SLC25A21: variants seen among roughly 807,000 people sequenced by gnomAD.
SLC25A21 encodes mitochondrial 2-oxodicarboxylate carrier.
In SLC25A21, 47 loss-of-function variants were observed where a neutral mutation model predicts 43.8. The ratio of observed to expected loss-of-function variants is 1.07; its 90% CI spans 0.85 to 1.37. The LOEUF (loss-of-function observed/expected upper bound fraction) is 1.37. SLC25A21 is among the 40% of genes most tolerant of loss of function. The pLI is 0.00. For missense variants in SLC25A21, 352 were observed against 350.2 expected, an observed-to-expected ratio of 1.00 and a Z score of -0.04; for synonymous variants, 131 against 121.3, an observed-to-expected ratio of 1.08 and a Z score of -0.52.
At chr14:36,793,744 A>T (rs1738793738) in intron 3 of SLC25A21, among the ~76,000 whole-genome samples, 1 of 152,170 alleles carries the variant, frequency 6.6e-6, no homozygotes, top group Non-Finnish European at 1.5e-5. Context: ...AACACCAAGC[A>T]TAATAAAATA....
rs1251389022 is a variant in SLC25A21 at position 36,865,914 on chromosome 14, A to G, written c.119+9042T>C. Among the ~76,000 whole-genome samples the G allele has an allele frequency of 3.9e-5, 6 of 152,124 alleles. 1 individual carries two copies. Among genetic ancestry groups the G allele is most frequent in the Admixed American group, 3.9e-4 (6 of 15,280 alleles). Reference sequence around the variant, plus strand: ...GTCTTCAGAATTCACCCAGTGATTAATATGTTTTGAGAGAAGTATGAAAAG... The same window carrying G: ...GTCTTCAGAATTCACCCAGTGATTAGTATGTTTTGAGAGAAGTATGAAAAG... On this transcript the variant is annotated intron_variant, in intron 2 of 9. Transcript: ENST00000331299.
intron 2 of SLC25A21, among the ~76,000 whole-genome samples, chr14:36,849,208 A>G (rs1324407083): frequency 6.6e-6 from 1 of 152,158 alleles, no homozygotes; most frequent in Non-Finnish European, 1.5e-5. Context: ...CTTGGGGTAC[A>G]TCCCTAGATA....
chr14:37,014,113 A>C (rs1435354216), intron 1 of SLC25A21, among the ~76,000 whole-genome samples: 1 of 152,116 alleles, frequency 6.6e-6, no homozygotes, highest in African/African-American at 2.4e-5. Context: ...GTCCCAACTG[A>C]TCAGAGATGA....
At chr14:36,751,432 G>C (rs903896704) in intron 3 of SLC25A21, among the ~76,000 whole-genome samples, 6 of 152,164 alleles carry the variant, frequency 3.9e-5, no homozygotes, top group African/African-American at 1.4e-4. Context: ...GCAGGTGATT[G>C]ATTTTTAGAG....
rs562168667 is a variant in SLC25A21, at chr14:36,681,819, C to T, written c.839-1100G>A. ...ATCTGCCTGTAATTTTCATTTTTAA[C>T]CCATGAAGATACTCTATTAGTCCCT... On this transcript the variant is annotated intron_variant, in intron 9 of 9. Transcript: ENST00000331299. Among the ~76,000 whole-genome samples, 4 of 152,180 alleles carry T rather than the reference C, an allele frequency of 2.6e-5. No individual in the cohort carries two copies. In the South Asian group the frequency reaches 8.3e-4, roughly 32 times the overall value.
chr14:37,012,998 G>A (rs1019909415), intron 1 of SLC25A21, among the ~76,000 whole-genome samples: 1 of 152,176 alleles, frequency 6.6e-6, no homozygotes, highest in Non-Finnish European at 1.5e-5. Context: ...GGGGGAGAGT[G>A]GTGGATTGCG....
chr14:37,153,489 T>C (rs2138937637), intron 1 of SLC25A21, among the ~76,000 whole-genome samples: 1 of 152,312 alleles, frequency 6.6e-6, no homozygotes, highest in South Asian at 2.1e-4. Context: ...TGGGACTTGG[T>C]TGCGAGTTGG....
intron 3 of SLC25A21, among the ~76,000 whole-genome samples, chr14:36,757,465 T>TAA (rs896537677): frequency 4.6e-5 from 7 of 152,008 alleles, no homozygotes; most frequent in African/African-American, 1.7e-4. Context: ...TTCTGGAAAT[T>TAA]AAAAAAAATC....
chr14:37,096,787 G>A (rs1024977115), intron 1 of SLC25A21, among the ~76,000 whole-genome samples: 4 of 151,952 alleles, frequency 2.6e-5, no homozygotes, highest in East Asian at 1.9e-4. Flanking sequence ...TCTTGTAGTT[G>A]GTTGACTTTC....
chr14:37,038,963 C>A (rs1594763874), intron 1 of SLC25A21, among the ~76,000 whole-genome samples: 1 of 152,280 alleles, frequency 6.6e-6, no homozygotes, highest in Non-Finnish European at 1.5e-5. Context: ...TGCCCTTCCC[C>A]AGCCCCCTCT....
chr14:37,151,192 A>G (rs1002861232), intron 1 of SLC25A21, among the ~76,000 whole-genome samples: 2 of 152,198 alleles, frequency 1.3e-5, no homozygotes, highest in African/African-American at 4.8e-5. Context: ...CAGACATTAA[A>G]TTACATGCGA....
chr14:37,089,300 G>C (rs1398813950), intron 1 of SLC25A21, among the ~76,000 whole-genome samples: 1 of 152,080 alleles, frequency 6.6e-6, no homozygotes, highest in Admixed American at 6.5e-5. Context: ...ATTTTCTACA[G>C]TCTTATGAAA....
chr14:37,061,155 A>G (rs1436182946), intron 1 of SLC25A21, among the ~76,000 whole-genome samples: 2 of 152,190 alleles, frequency 1.3e-5, no homozygotes, highest in African/African-American at 4.8e-5. Flanking sequence ...CATTGTAAAT[A>G]GGAAGAACAC....
intron 2 of SLC25A21, among the ~76,000 whole-genome samples, chr14:36,815,016 G>C (rs553303798): frequency 1.3e-5 from 2 of 152,276 alleles, no homozygotes; most frequent in African/African-American, 4.8e-5. Flanking sequence ...CACGTCCTTT[G>C]CAGGGACACG....
chr14:36,978,534 A>G (rs1959935525), intron 1 of SLC25A21, among the ~76,000 whole-genome samples: 2 of 152,234 alleles, frequency 1.3e-5, no homozygotes, highest in Non-Finnish European at 2.9e-5. Flanking sequence ...AGTATCTGCA[A>G]AGCATGGCAA....
At chr14:36,702,977 C>T (rs1883347793) in intron 7 of SLC25A21, among the ~76,000 whole-genome samples, 2 of 152,122 alleles carry the variant, frequency 1.3e-5, no homozygotes, top group South Asian at 4.1e-4. Context: ...TGAAAGATAC[C>T]CCTTTTTACC....
chr14:37,006,587 C>T (rs1960609338), intron 1 of SLC25A21, among the ~76,000 whole-genome samples: 1 of 151,974 alleles, frequency 6.6e-6, no homozygotes, highest in Non-Finnish European at 1.5e-5. Context: ...AAGGAGGGGC[C>T]TTAAAAATTT....
At position 36,681,730 on chromosome 14, in the gene SLC25A21, C is replaced by T. The variant is rs534041480; in HGVS notation, c.839-1011G>A. On this transcript the variant is annotated intron_variant, in intron 9 of 9. Transcript: ENST00000331299. ...GTCTTAGTTATTTTGAACACACTGC[C>T]ATATACTTTTTTTTTTAATCTATAG... 2.0e-5 allele frequency among the ~76,000 whole-genome samples: 3 copies of T among 152,058 alleles called. No individual in the cohort carries two copies. In the South Asian group the frequency reaches 6.2e-4, roughly 32 times the overall value.
intron 1 of SLC25A21, among the ~76,000 whole-genome samples, chr14:36,882,162 C>G (rs1424923864): frequency 2.0e-5 from 3 of 152,102 alleles, no homozygotes; most frequent in Non-Finnish European, 4.4e-5. Flanking sequence ...GCAGGTGGAG[C>G]ACTTGAGGCC....
Sources: allele counts gnomAD v4.1 joint callset (sites outside exome capture counted in the v4.1 genomes callset), GRCh38; gene constraint gnomAD v4.1.1; transcripts MANE v1.5; gene names NCBI Gene and HGNC (gene_info 2026-07-23, HGNC 2026-07-21).